EYA4: variants seen among roughly 807,000 people sequenced by gnomAD.
EYA4 encodes protein phosphatase EYA4.
In EYA4, 31 loss-of-function variants were observed where a neutral mutation model predicts 87.9. The ratio of observed to expected loss-of-function variants is 0.35; its 90% CI spans 0.27 to 0.48. The LOEUF (loss-of-function observed/expected upper bound fraction) is 0.48, where lower values mean the gene tolerates loss of function less well. Ranked by LOEUF, EYA4 falls within the 20% of genes least tolerant of loss-of-function variation. The pLI is 0.99. For synonymous variants in EYA4, 263 were observed against 270.6 expected (o/e 0.97, Z 0.28); for missense variants, 678 against 761.4 (o/e 0.89, Z 1.29).
chr6:133,303,832 T>C (rs1262163346), intron 2 of EYA4, among the ~76,000 whole-genome samples: 1 of 152,218 alleles, frequency 6.6e-6, no homozygotes, highest in African/African-American at 2.4e-5. Context: ...TCATGTGCCA[T>C]GGTTCCGTTA....
chr6:133,289,012 G>C (rs1011943666), intron 2 of EYA4, among the ~76,000 whole-genome samples: 2 of 152,164 alleles, frequency 1.3e-5, no homozygotes, highest in East Asian at 3.9e-4. Flanking sequence ...GGAATTAAGA[G>C]AAAGTTTGTA....
At chr6:133,347,260 T>C (rs1411077723) in intron 2 of EYA4, among the ~76,000 whole-genome samples, 2 of 152,234 alleles carry the variant, frequency 1.3e-5, no homozygotes, top group East Asian at 3.8e-4. Context: ...CACAGTTTCA[T>C]TGTGTTTGCT....
intron 2 of EYA4, among the ~76,000 whole-genome samples, chr6:133,281,620 C>CTTAGTTTT (rs1777631872): frequency 7.4e-6 from 1 of 135,760 alleles, no homozygotes; most frequent in Non-Finnish European, 1.5e-5. Context: ...TTTTTTTAAA[C>CTTAGTTTT]TTCAACTTAG....
intron 2 of EYA4, among the ~76,000 whole-genome samples, chr6:133,342,918 T>G (rs971419817): frequency 1.3e-5 from 2 of 152,156 alleles, no homozygotes; most frequent in African/African-American, 4.8e-5. Context: ...AACACCATTA[T>G]CTATATTAGG....
At chr6:133,493,947 G>T (rs1433468861) in intron 13 of EYA4, among the ~76,000 whole-genome samples, 4 of 152,128 alleles carry the variant, frequency 2.6e-5, no homozygotes, top group Admixed American at 2.0e-4. Context: ...AGGTTGTACA[G>T]AAAAGGGAAC....
chr6:133,342,516 A>T (rs1782856685), intron 2 of EYA4, among the ~76,000 whole-genome samples: 1 of 144,062 alleles, frequency 6.9e-6, no homozygotes, highest in Non-Finnish European at 1.5e-5. Context: ...GTCATTCATT[A>T]CCAGGATTAC....
intron 2 of EYA4, among the ~76,000 whole-genome samples, chr6:133,296,699 T>A (rs1778973418): frequency 6.6e-6 from 1 of 152,172 alleles, no homozygotes; most frequent in South Asian, 2.1e-4. Context: ...TGGGGTAGGT[T>A]TTTTTTCTCC....
At position 133,521,206 on chromosome 6, in the gene EYA4, A is replaced by G. The variant is rs1413689286; in HGVS notation, c.1617-1850A>G. 2.0e-5 allele frequency among the ~76,000 whole-genome samples: 3 copies of G among 152,180 alleles called. No individual in the cohort carries two copies. The East Asian group carries it at 5.8e-4, about 29-fold the overall frequency. ...GACAAAATGGGAGAAAATTTTCGCA[A>G]CCTACTCATCTGACAAAGGGCTGAT... is the stretch of plus-strand genomic sequence containing the variant. On this transcript the variant is annotated intron_variant, in intron 17 of 19. Transcript: ENST00000355286.
At chr6:133,498,529 A>G (rs1049452140) in intron 13 of EYA4, among the ~76,000 whole-genome samples, 3 of 152,180 alleles carry the variant, frequency 2.0e-5, no homozygotes, top group Admixed American at 1.3e-4. Flanking sequence ...TGCATTTTAT[A>G]TTTGTATCTG....
intron 2 of EYA4, among the ~76,000 whole-genome samples, chr6:133,301,146 T>C (rs557644382): frequency 1.6e-3 from 237 of 152,232 alleles, no homozygotes; most frequent in Non-Finnish European, 2.8e-3. Flanking sequence ...TGTATGAGGG[T>C]TTTTTGGAAT....
intron 2 of EYA4, among the ~76,000 whole-genome samples, chr6:133,368,312 A>G (rs1188357675): frequency 6.6e-6 from 1 of 152,166 alleles, no homozygotes; most frequent in African/African-American, 2.4e-5. Context: ...TAGGGAAGAA[A>G]ATTACAATCC....
At chr6:133,355,312 C>A (rs1168445341) in intron 2 of EYA4, among the ~76,000 whole-genome samples, 1 of 152,120 alleles carries the variant, frequency 6.6e-6, no homozygotes, top group African/African-American at 2.4e-5. Flanking sequence ...TCTCTTCCAC[C>A]CAGCAATCCC....
intron 3 of EYA4, among the ~76,000 whole-genome samples, chr6:133,430,015 C>CT (rs1791043214): frequency 6.6e-6 from 1 of 151,996 alleles, no homozygotes; most frequent in East Asian, 1.9e-4. Flanking sequence ...ACCCTTGCCC[C>CT]TCCCTCCTTC....
chr6:133,446,370 T>C (rs1017582020), intron 3 of EYA4, among the ~76,000 whole-genome samples: 10 of 152,210 alleles, frequency 6.6e-5, no homozygotes, highest in African/African-American at 2.2e-4. Flanking sequence ...TATTATGTTA[T>C]AATATGTTAT....
At chr6:133,267,007 C>G (rs551042395) in intron 1 of EYA4, among the ~76,000 whole-genome samples, 2 of 152,100 alleles carry the variant, frequency 1.3e-5, no homozygotes, top group South Asian at 4.1e-4. Context: ...ACATTCCCTT[C>G]CCCTAAAGAG....
At chr6:133,398,941 A>G (rs1317323236) in intron 3 of EYA4, among the ~76,000 whole-genome samples, 1 of 152,252 alleles carries the variant, frequency 6.6e-6, no homozygotes, top group African/African-American at 2.4e-5. Context: ...AAGATTAATC[A>G]TAAAGTATGT....
intron 11 of EYA4, among the ~76,000 whole-genome samples, chr6:133,478,015 C>T (rs912918754): frequency 2.0e-5 from 3 of 151,966 alleles, no homozygotes; most frequent in African/African-American, 4.8e-5. Flanking sequence ...CATAATTACT[C>T]ATCAAGAAAA....
intron 11 of EYA4, among the ~76,000 whole-genome samples, chr6:133,480,940 A>C (rs1307504795): frequency 6.6e-6 from 1 of 151,718 alleles, no homozygotes. Flanking sequence ...GAAATGGGAG[A>C]GGTGGAAGGG....
intron 1 of EYA4, chr6:133,247,624 A>G (rs553248688): frequency 6.6e-6 from 1 of 152,276 alleles, no homozygotes; most frequent in Non-Finnish European, 1.5e-5. Flanking sequence ...CTGTTTTACA[A>G]TTTTATAGTA....
Sources: allele counts gnomAD v4.1 joint callset (sites outside exome capture counted in the v4.1 genomes callset), GRCh38; gene constraint gnomAD v4.1.1; transcripts MANE v1.5; gene names NCBI Gene and HGNC (gene_info 2026-07-23, HGNC 2026-07-21).